The following IQCB1 variants were observed in gnomAD, a reference collection of about 807,000 sequenced individuals.
The protein encoded by IQCB1 is IQ calmodulin-binding motif-containing protein 1.
A neutral mutation model predicts 84.4 loss-of-function variants in IQCB1; 56 were observed. The ratio of observed to expected loss-of-function variants is 0.66; its 90% CI spans 0.54 to 0.83. The LOEUF (loss-of-function observed/expected upper bound fraction) is 0.83, where lower values mean the gene tolerates loss of function less well. Ranked by LOEUF, IQCB1 falls within the 40% of genes least tolerant of loss-of-function variation. The pLI is 0.00. For synonymous variants in IQCB1, 210 were observed against 234.8 expected (o/e 0.89, Z 0.96); for missense variants, 629 against 682.1 (o/e 0.92, Z 0.87).
chr3:121,798,982 A>T (rs1206388130), intron 8 of IQCB1, among the ~76,000 whole-genome samples: 1 of 151,888 alleles, frequency 6.6e-6, no homozygotes, highest in African/African-American at 2.4e-5. Context: ...TGGCAACCTG[A>T]TCAGAAAAGT....
At chr3:121,814,781 CA>C (rs1949981797) in intron 5 of IQCB1, among the ~76,000 whole-genome samples, 11 of 152,062 alleles carry the variant, frequency 7.2e-5, no homozygotes. Context: ...GCCTACCAAC[CA>C]AAAAAAGCCC....
At chr3:121,794,302 ATTT>A (rs1160255693) in intron 10 of IQCB1, among the ~76,000 whole-genome samples, 2 of 152,042 alleles carry the variant, frequency 1.3e-5, no homozygotes, top group Non-Finnish European at 2.9e-5. Context: ...TCCTTCTATC[ATTT>A]TTTAAGTGCC....
intron 5 of IQCB1, among the ~76,000 whole-genome samples, chr3:121,815,821 T>C (rs1950029617): frequency 6.6e-6 from 1 of 151,620 alleles, no homozygotes; most frequent in South Asian, 2.1e-4. Flanking sequence ...ATCGTGAAGA[T>C]GGCCATACTG....
intron 5 of IQCB1, among the ~76,000 whole-genome samples, chr3:121,822,200 A>G (rs890001660): frequency 1.3e-5 from 2 of 152,196 alleles, no homozygotes; most frequent in African/African-American, 4.8e-5. Flanking sequence ...TAGCTTACCA[A>G]CTGCAAATCT....
At chr3:121,807,256 T>G in intron 7 of IQCB1, 88 bp downstream of exon 7, 3 of 589,702 alleles carry the variant, frequency 5.1e-6, no homozygotes, top group Non-Finnish European at 9.3e-6. Context: ...ATACAAATCA[T>G]ATGCGGTCAA....
chr3:121,798,590 A>G (rs1018329918), intron 8 of IQCB1, among the ~76,000 whole-genome samples: 4 of 152,060 alleles, frequency 2.6e-5, no homozygotes, highest in African/African-American at 7.2e-5. Context: ...GGATTGTTGT[A>G]AAGATTAAAC....
chr3:121,807,242 T>TTATCTACGAGTATATAGTGCATATACTAG, intron 7 of IQCB1, 102 bp downstream of exon 7: 1 of 721,668 alleles, frequency 1.4e-6, no homozygotes, highest in Non-Finnish European at 2.6e-6. Flanking sequence ...TGTATATACA[T>TTATCTACGAGTATATAGTGCATATACTAG]TATATACAAA....
intron 13 of IQCB1, among the ~76,000 whole-genome samples, chr3:121,775,126 T>G (rs1948169980): frequency 6.6e-6 from 1 of 152,188 alleles, no homozygotes; most frequent in African/African-American, 2.4e-5. Context: ...GAGGCATGCT[T>G]CTGTCTGTCT....
chr3:121,791,253 A>G (rs1948958640), intron 10 of IQCB1, among the ~76,000 whole-genome samples: 1 of 152,204 alleles, frequency 6.6e-6, no homozygotes, highest in African/African-American at 2.4e-5. Flanking sequence ...CAAATGTGGT[A>G]CCTTGGCTAT....
chr3:121,803,870 T>C (rs1366337826), intron 7 of IQCB1, among the ~76,000 whole-genome samples: 1 of 152,224 alleles, frequency 6.6e-6, no homozygotes, highest in East Asian at 1.9e-4. Context: ...CAGCATATAG[T>C]AGGCTTGTAC....
At chr3:121,831,282 C>A (rs1029829524) in intron 2 of IQCB1, among the ~76,000 whole-genome samples, 12 of 150,570 alleles carry the variant, frequency 8.0e-5, no homozygotes, top group African/African-American at 2.9e-4. Flanking sequence ...AGGTGATTCT[C>A]CCACCTCAGC....
intron 5 of IQCB1, among the ~76,000 whole-genome samples, chr3:121,815,619 A>C (rs1950021381): frequency 6.6e-6 from 1 of 152,232 alleles, no homozygotes; most frequent in Non-Finnish European, 1.5e-5. Context: ...AATGATAGAC[A>C]AACACAGAGA....
intron 6 of IQCB1, among the ~76,000 whole-genome samples, chr3:121,808,522 T>C (rs1018976020): frequency 2.6e-5 from 4 of 151,946 alleles, no homozygotes; most frequent in Non-Finnish European, 5.9e-5. Flanking sequence ...ACTTGGATAG[T>C]TAGACTATAT....
intron 7 of IQCB1, among the ~76,000 whole-genome samples, chr3:121,805,894 A>T (rs1485099829): frequency 6.6e-6 from 1 of 152,056 alleles, no homozygotes; most frequent in Non-Finnish European, 1.5e-5. Context: ...AACTCTAGTT[A>T]TCTTGTTCTC....
intron 11 of IQCB1, 24 bp downstream of exon 11, chr3:121,790,043 TATATTG>T (rs1948896318): frequency 6.3e-7 from 1 of 1,592,570 alleles, no homozygotes; most frequent in Non-Finnish European, 8.6e-7. Flanking sequence ...TAAATATTCT[TATATTG>T]ATAAAGTTGA....
intron 5 of IQCB1, 23 bp downstream of exon 5, chr3:121,826,028 C>T: frequency 1.1e-5 from 17 of 1,598,978 alleles, no homozygotes; most frequent in Non-Finnish European, 1.5e-5. Flanking sequence ...GATTTAGCTA[C>T]AAAAGACTAA....
chr3:121,800,730 CTT>C (rs1176892534), intron 7 of IQCB1, among the ~76,000 whole-genome samples: 1 of 151,868 alleles, frequency 6.6e-6, no homozygotes, highest in Non-Finnish European at 1.5e-5. Context: ...AGTTTAAATG[CTT>C]TTAGATGCTC....
intron 10 of IQCB1, among the ~76,000 whole-genome samples, chr3:121,791,115 G>C (rs1948949498): frequency 6.6e-6 from 1 of 151,990 alleles, no homozygotes; most frequent in African/African-American, 2.4e-5. Flanking sequence ...AAGAAAACGA[G>C]GATAAGAAGA....
intron 5 of IQCB1, among the ~76,000 whole-genome samples, chr3:121,816,722 C>T (rs537580975): frequency 5.9e-5 from 9 of 152,298 alleles, no homozygotes; most frequent in African/African-American, 2.2e-4. Flanking sequence ...GATACCCTCT[C>T]ACTCCAGTTA....
Sources: allele counts gnomAD v4.1 joint callset (sites outside exome capture counted in the v4.1 genomes callset), GRCh38; gene constraint gnomAD v4.1.1; transcripts MANE v1.5; gene names NCBI Gene and HGNC (gene_info 2026-07-23, HGNC 2026-07-21).